OSBPL10: variants seen among roughly 807,000 people sequenced by gnomAD.
OSBPL10 encodes the protein oxysterol-binding protein-related protein 10.
A neutral mutation model predicts 81.7 loss-of-function variants in OSBPL10; 49 were observed. The observed-to-expected ratio is 0.60, with a 90% confidence interval of 0.48 to 0.76. The LOEUF (loss-of-function observed/expected upper bound fraction) is 0.76. OSBPL10 is among the 30% of genes least tolerant of loss of function. The pLI is 0.00. For missense variants in OSBPL10, 923 were observed against 987.8 expected (o/e 0.93, Z 0.88); for synonymous variants, 419 against 383.6 (o/e 1.09, Z -1.08).
intron 1 of OSBPL10, among the ~76,000 whole-genome samples, chr3:31,965,466 A>G (rs868478498): frequency 1.0e-5 from 1 of 99,696 alleles, no homozygotes; most frequent in Non-Finnish European, 1.9e-5. Flanking sequence ...TAATTTATAT[A>G]ATATATATTA....
chr3:31,908,269 C>T (rs921538908), intron 1 of OSBPL10, among the ~76,000 whole-genome samples: 1 of 151,786 alleles, frequency 6.6e-6, no homozygotes, highest in African/African-American at 2.4e-5. Flanking sequence ...AAAGGGAGAC[C>T]CCAGGAGGGC....
intron 1 of OSBPL10, among the ~76,000 whole-genome samples, chr3:31,954,977 A>G (rs1697966403): frequency 6.6e-6 from 1 of 152,250 alleles, no homozygotes; most frequent in South Asian, 2.1e-4. Context: ...TTGTGTGTTT[A>G]CTGTACAATT....
rs115397825 is a variant in OSBPL10, at chr3:31,825,286, C to T, written c.729+4754G>A. 6.8e-3 allele frequency among the ~76,000 whole-genome samples: 1,039 copies of T among 152,224 alleles called. 5 individuals carry two copies. Among genetic ancestry groups the T allele is most frequent in the Non-Finnish European group, 0.01 (706 of 68,010 alleles). ...GAGACAGACTGGAAACACAGATGCA[C>T]AGGCCAGAATCAATCCACAAGGAAG... On this transcript the variant is annotated intron_variant, in intron 4 of 11. Transcript: ENST00000396556.
intron 4 of OSBPL10, among the ~76,000 whole-genome samples, chr3:31,798,557 TAA>T (rs1447774959): frequency 6.6e-6 from 1 of 152,122 alleles, no homozygotes; most frequent in Non-Finnish European, 1.5e-5. Context: ...ATGAGTTAAA[TAA>T]AATATATTAT....
At position 31,695,297 on chromosome 3, in the gene OSBPL10, G is replaced by A. The variant is rs543920989; in HGVS notation, c.1245+7062C>T. Among the ~76,000 whole-genome samples the A allele has an allele frequency of 3.9e-5, 6 of 152,124 alleles. No homozygotes were observed. The South Asian group carries it at 1.2e-3, about 32-fold the overall frequency. ...TAAATCCTCTGAGAAATCCACATAG[G>A]GTTACAAACAGGCACACTGTCATTA... On this transcript the variant is annotated intron_variant, in intron 7 of 11. Coordinates refer to ENST00000396556, the MANE Select transcript of OSBPL10 (RefSeq NM_017784.5).
At chr3:31,967,810 C>G (rs1259482084) in intron 1 of OSBPL10, among the ~76,000 whole-genome samples, 1 of 152,176 alleles carries the variant, frequency 6.6e-6, no homozygotes, top group Admixed American at 6.5e-5. Flanking sequence ...TTTATCACAC[C>G]TGGGCATCTT....
At chr3:31,795,579 C>T (rs1699185627) in intron 4 of OSBPL10, 1 of 189,738 alleles carries the variant, frequency 5.3e-6, no homozygotes. Flanking sequence ...AGTGAATTCA[C>T]ACTGGAAAAA....
intron 10 of OSBPL10, among the ~76,000 whole-genome samples, chr3:31,667,964 A>G (rs952982150): frequency 7.2e-5 from 11 of 152,268 alleles, no homozygotes; most frequent in African/African-American, 2.7e-4. Flanking sequence ...GCATAGATAT[A>G]CAAACTGAAT....
chr3:31,865,686 TTC>T (rs1434586896), intron 3 of OSBPL10, among the ~76,000 whole-genome samples: 2 of 152,316 alleles, frequency 1.3e-5, no homozygotes, highest in African/African-American at 4.8e-5. Context: ...ATTTTAATCA[TTC>T]TGTTACTTCT....
At chr3:32,001,251 A>G (rs1344543340) in intron 2 of OSBPL10, among the ~76,000 whole-genome samples, 1 of 152,166 alleles carries the variant, frequency 6.6e-6, no homozygotes, top group Non-Finnish European at 1.5e-5. Context: ...ATGTGTCCCA[A>G]GAGAACTTCC....
intron 3 of OSBPL10, among the ~76,000 whole-genome samples, chr3:31,832,576 T>C (rs1003301432): frequency 6.6e-6 from 1 of 152,174 alleles, no homozygotes; most frequent in Admixed American, 6.5e-5. Flanking sequence ...TTTTTCACCA[T>C]AGATACCTAT....
intron 1 of OSBPL10, among the ~76,000 whole-genome samples, chr3:31,971,808 G>A (rs933072158): frequency 2.0e-5 from 3 of 152,086 alleles, no homozygotes; most frequent in African/African-American, 2.4e-5. Flanking sequence ...TATTTACAAA[G>A]GAGCACTCGG....
chr3:31,743,688 A>G (rs772649702), intron 5 of OSBPL10, among the ~76,000 whole-genome samples: 5 of 152,236 alleles, frequency 3.3e-5, no homozygotes, highest in South Asian at 2.1e-4. Context: ...CAAGGATCAG[A>G]AGGCAAAGAG....
chr3:31,678,359 G>T (rs894930451), intron 8 of OSBPL10, among the ~76,000 whole-genome samples: 4 of 152,124 alleles, frequency 2.6e-5, no homozygotes, highest in African/African-American at 9.7e-5. Flanking sequence ...AGGGAAAGAT[G>T]AACACATTGT....
Position 31,929,996 on chromosome 3 carries a change from CACCA to C in OSBPL10, c.282-50170_282-50167del, listed in dbSNP as rs1207880686. ...CCTGGGTGATCAAGTGAGACCCTGT[CACCA>C]ACCAAAAAAAAAAAAAAAAAAAAAA... On this transcript the variant is annotated intron_variant, in intron 1 of 11. Coordinates refer to ENST00000396556, the MANE Select transcript of OSBPL10 (RefSeq NM_017784.5). Among the ~76,000 whole-genome samples, 406 of 60,404 alleles carry C rather than the reference CACCA, an allele frequency of 6.7e-3. 15 individuals carry two copies. The highest frequency in any genetic ancestry group is 0.02 in the African/African-American group (316 of 15,830). 39.6% of individuals were successfully genotyped at this position (60,404 alleles called of 152,430 possible). A position where few individuals can be genotyped will look rare whatever the true frequency, so the allele number is the denominator to read the frequency against.
At chr3:31,806,894 C>A (rs1306487014) in intron 4 of OSBPL10, among the ~76,000 whole-genome samples, 1 of 151,986 alleles carries the variant, frequency 6.6e-6, no homozygotes, top group Admixed American at 6.6e-5. Context: ...GACCTCCTAT[C>A]CAGCCTGGGG....
intron 2 of OSBPL10, among the ~76,000 whole-genome samples, chr3:31,988,085 G>A (rs1698961210): frequency 6.6e-6 from 1 of 152,204 alleles, no homozygotes; most frequent in South Asian, 2.1e-4. Context: ...TGCCCAACTG[G>A]CTTTCAAAAT....
chr3:31,666,414 G>A (rs565260373), intron 10 of OSBPL10, among the ~76,000 whole-genome samples: 3 of 152,354 alleles, frequency 2.0e-5, no homozygotes, highest in African/African-American at 7.2e-5. Context: ...ACCACTGTGA[G>A]AGCTAAGACA....
At chr3:31,870,091 G>A (rs980250398) in intron 3 of OSBPL10, among the ~76,000 whole-genome samples, 3 of 152,220 alleles carry the variant, frequency 2.0e-5, no homozygotes, top group Non-Finnish European at 4.4e-5. Context: ...GGCCAGAGCC[G>A]GCTCCCTCAG....
Sources: allele counts gnomAD v4.1 joint callset (sites outside exome capture counted in the v4.1 genomes callset), GRCh38; gene constraint gnomAD v4.1.1; transcripts MANE v1.5; gene names NCBI Gene and HGNC (gene_info 2026-07-23, HGNC 2026-07-21).